The following MYO3B variants were observed in gnomAD, a reference collection of about 807,000 sequenced individuals.
MYO3B encodes the protein myosin-IIIb.
In MYO3B, 156 loss-of-function variants were observed where a neutral mutation model predicts 174.6. The ratio of observed to expected loss-of-function variants is 0.89; its 90% CI spans 0.78 to 1.02. The LOEUF is 1.02. Ranked by LOEUF, MYO3B falls within the 50% of genes least tolerant of loss-of-function variation. MYO3B has a pLI of 0.00. For missense variants in MYO3B, 1,632 were observed against 1,639.4 expected (o/e 1.00, Z 0.08); for synonymous variants, 563 against 569.1 (o/e 0.99, Z 0.15).
chr2:170,340,907 A>G (rs530423244), intron 8 of MYO3B: 32 of 152,150 alleles, frequency 2.1e-4, no homozygotes, highest in African/African-American at 7.2e-4. Flanking sequence ...GAACTGCATC[A>G]GCATCTAGCA....
At chr2:170,428,610 T>A (rs768378590) in intron 22 of MYO3B, among the ~76,000 whole-genome samples, 1 of 152,238 alleles carries the variant, frequency 6.6e-6, no homozygotes, top group African/African-American at 2.4e-5. Flanking sequence ...AGCTCACACA[T>A]GTCCTGGCCA....
At chr2:170,228,988 A>C (rs72885680) in intron 6 of MYO3B, among the ~76,000 whole-genome samples, 13,676 of 149,680 alleles carry the variant, frequency 0.091, 911 homozygotes, top group Non-Finnish European at 0.14. Flanking sequence ...AAAACAACGA[A>C]TCTCAAATGT....
intron 32 of MYO3B, among the ~76,000 whole-genome samples, chr2:170,610,374 A>G (rs1695062500): frequency 6.6e-6 from 1 of 152,102 alleles, no homozygotes; most frequent in Non-Finnish European, 1.5e-5. Context: ...TAGTGTATTC[A>G]TCATGTTCAA....
At chr2:170,277,303 G>T (rs763857705) in intron 7 of MYO3B, among the ~76,000 whole-genome samples, 1 of 152,188 alleles carries the variant, frequency 6.6e-6, no homozygotes, top group African/African-American at 2.4e-5. Context: ...GCTTTAAATA[G>T]GATTTCCCAA....
intron 32 of MYO3B, among the ~76,000 whole-genome samples, chr2:170,635,250 G>A (rs1031690209): frequency 6.6e-5 from 10 of 152,158 alleles, no homozygotes; most frequent in Non-Finnish European, 8.8e-5. Flanking sequence ...AAGAAAATGT[G>A]GCACATATAC....
At chr2:170,306,061 G>C (rs2093698820) in intron 7 of MYO3B, among the ~76,000 whole-genome samples, 1 of 152,170 alleles carries the variant, frequency 6.6e-6, no homozygotes, top group Admixed American at 6.5e-5. Flanking sequence ...GTCCATGGTG[G>C]TTTCACTCAT....
At chr2:170,491,465 CG>C (rs1686465610) in intron 25 of MYO3B, among the ~76,000 whole-genome samples, 1 of 152,030 alleles carries the variant, frequency 6.6e-6, no homozygotes, top group South Asian at 2.1e-4. Flanking sequence ...GAGTCTCTGT[CG>C]ACAGGCTGGA....
At chr2:170,351,223 G>C (rs1036954470) in intron 8 of MYO3B, 11 of 152,248 alleles carry the variant, frequency 7.2e-5, no homozygotes, top group African/African-American at 2.6e-4. Context: ...GACTAACAGG[G>C]CTCCAAACAA....
At chr2:170,631,596 T>A (rs1044887075) in intron 32 of MYO3B, among the ~76,000 whole-genome samples, 1 of 151,418 alleles carries the variant, frequency 6.6e-6, no homozygotes, top group Non-Finnish European at 1.5e-5. Flanking sequence ...CCAAGACACA[T>A]AATTGTCAGA....
chr2:170,497,272 G>A (rs1027055266), intron 25 of MYO3B, among the ~76,000 whole-genome samples: 2 of 151,904 alleles, frequency 1.3e-5, no homozygotes, highest in Admixed American at 1.3e-4. Context: ...CTATTTTTTC[G>A]ATTCTGTTTC....
intron 32 of MYO3B, among the ~76,000 whole-genome samples, chr2:170,630,393 C>G (rs1439800812): frequency 6.6e-6 from 1 of 152,158 alleles, no homozygotes; most frequent in Non-Finnish European, 1.5e-5. Context: ...ACAAAGCTGC[C>G]AGGAAGCTCG....
Position 170,236,145 on chromosome 2 carries a change from C to T in MYO3B, c.749+9C>T, listed in dbSNP as rs749214472. ...CTCTTTAAGATTCCAAGGTAAGACA[C>T]AAGATGGCGCTCTTGACTCATTAGT... is the stretch of plus-strand genomic sequence containing the variant. On this transcript the variant is annotated intron_variant, in intron 7 of 34. Coordinates refer to ENST00000408978, the MANE Select transcript of MYO3B (RefSeq NM_138995.5). 1.9e-6 allele frequency: 3 copies of T among 1,613,914 alleles called. No individual in the cohort carries two copies. In the African/African-American group the frequency reaches 4.0e-5, roughly 22 times the overall value.
rs1395866876 is a variant in MYO3B at position 170,531,995 on chromosome 2, T to TC, written c.3576-10907dup. On this transcript the variant is annotated intron_variant, in intron 30 of 34. Transcript: ENST00000408978. ...ACTATTTGCATAGTCTCAGAGTAAG[T>TC]CCCCATAAGAAACTTATTAATTACA... 2.0e-5 allele frequency among the ~76,000 whole-genome samples: 3 copies of TC among 152,248 alleles called. No individual in the cohort carries two copies. The East Asian group carries it at 5.8e-4, about 29-fold the overall frequency.
rs1432332924 is a variant in MYO3B at position 170,178,254 on chromosome 2, C to G, written c.-34C>G. ...GTTTTTGGAGGAATGAGAATCCAAT[C>G]TCTCATAAGCCGGATTCAGAAAATA... On this transcript the variant is annotated 5_prime_UTR_variant, in exon 1 of 35. It adds an upstream start codon to the 5' untranslated region. Transcript: ENST00000408978. 6.2e-7 allele frequency: 1 copy of G among 1,613,874 alleles called. No homozygotes were observed. The highest frequency in any genetic ancestry group is 1.1e-5 in the South Asian group (1 of 91,070).
chr2:170,510,699 T>C (rs1211773551), intron 28 of MYO3B, among the ~76,000 whole-genome samples: 3 of 147,938 alleles, frequency 2.0e-5, no homozygotes, highest in Non-Finnish European at 4.5e-5. Flanking sequence ...CTCCAAAAAG[T>C]TCCCTTATGC....
Position 170,248,953 on chromosome 2 carries a change from G to A in MYO3B, c.749+12817G>A, listed in dbSNP as rs1000649738. On this transcript the variant is annotated intron_variant, in intron 7 of 34. Coordinates refer to ENST00000408978, the MANE Select transcript of MYO3B (RefSeq NM_138995.5). ...AAACCTTCAAGAGCGTGCTCCTTAT[G>A]TACTCATAGCCATTTTGAGCTATCA... Among the ~76,000 whole-genome samples the A allele has an allele frequency of 1.2e-4, 19 of 152,178 alleles. 1 individual carries two copies. The highest frequency in any genetic ancestry group is 1.2e-3 in the Admixed American group (18 of 15,282).
intron 30 of MYO3B, among the ~76,000 whole-genome samples, chr2:170,523,492 G>T (rs1688808210): frequency 6.6e-6 from 1 of 152,144 alleles, no homozygotes. Context: ...GGTGGGCAGA[G>T]TAAGAAGAGA....
At chr2:170,272,954 C>T (rs1574694363) in intron 7 of MYO3B, among the ~76,000 whole-genome samples, 1 of 152,254 alleles carries the variant, frequency 6.6e-6, no homozygotes, top group Middle Eastern at 3.4e-3. Context: ...CAGCACAAAA[C>T]AGACTAAGAT....
chr2:170,282,085 C>T lies in MYO3B; in HGVS notation c.749+45949C>T, dbSNP rs189675825. ...TTCACTCTGCTGATTATTTCCTTTG[C>T]CATGCAGCTTTTTAGTTAATATCTT... On this transcript the variant is annotated intron_variant, in intron 7 of 34. Transcript: ENST00000408978. 4.2e-4 allele frequency among the ~76,000 whole-genome samples: 64 copies of T among 152,234 alleles called. No homozygotes were observed. In the East Asian group the frequency reaches 0.012, roughly 28 times the overall value.
Sources: gnomAD v4.1 joint callset for allele counts (sites outside exome capture counted in the v4.1 genomes callset) on GRCh38, gnomAD v4.1.1 for gene constraint, MANE v1.5 for transcripts, NCBI Gene and HGNC (gene_info 2026-07-23, HGNC 2026-07-21) for gene names.